Variants in PI4K2B observed in about 807,000 individuals in gnomAD.
The protein encoded by PI4K2B is phosphatidylinositol 4-kinase type 2-beta.
In PI4K2B, 46 loss-of-function variants were observed where a neutral mutation model predicts 56.6. The observed-to-expected ratio is 0.81, with a 90% confidence interval of 0.64 to 1.04. The LOEUF is 1.04. Among genes scored for constraint, PI4K2B ranks in the 50% least tolerant of loss-of-function variants. The pLI, the probability that PI4K2B is intolerant of heterozygous loss-of-function variation, is 0.00. For missense variants in PI4K2B, 556 were observed against 607.7 expected, an observed-to-expected ratio of 0.91 and a Z score of 0.89; for synonymous variants, 211 against 223.8, an observed-to-expected ratio of 0.94 and a Z score of 0.51.
intron 1 of PI4K2B, among the ~76,000 whole-genome samples, chr4:25,237,204 G>A (rs1016222450): frequency 6.6e-6 from 1 of 152,198 alleles, no homozygotes; most frequent in Non-Finnish European, 1.5e-5. Context: ...TGCATTCCTT[G>A]TTCTAGTTAT....
intron 7 of PI4K2B, among the ~76,000 whole-genome samples, chr4:25,265,886 G>A (rs1245552985): frequency 1.3e-5 from 2 of 152,132 alleles, no homozygotes; most frequent in African/African-American, 4.8e-5. Flanking sequence ...CTTATTTTCT[G>A]ACTATTTAAT....
rs1049526765 is a variant in PI4K2B at position 25,259,076 on chromosome 4, G to A, written c.796G>A (p.Ala266Thr). 1 of 1,589,300 alleles carries A rather than the reference G, an allele frequency of 6.3e-7. No homozygotes were observed. Among genetic ancestry groups the A allele is most frequent in the African/African-American group, 1.3e-5 (1 of 74,342 alleles). ...GTTATTTGTTGAAGGTTACAAGGAG[G>A]CTGAATATTGGCTTAGGAAATTTGA... is the stretch of plus-strand genomic sequence containing the variant. ...FQLFVEGYKE[A>T]EYWLRKFEAD... The change falls in exon 5 of 10, where the codon GCT becomes ACT. Residue 266 changes from alanine (A) to threonine (T), a missense_variant. Coordinates refer to ENST00000264864, the MANE Select transcript of PI4K2B (RefSeq NM_018323.4).
At chr4:25,238,805 G>A (rs1715381014) in intron 1 of PI4K2B, among the ~76,000 whole-genome samples, 1 of 152,162 alleles carries the variant, frequency 6.6e-6, no homozygotes, top group African/African-American at 2.4e-5. Flanking sequence ...AAGAGCGAAA[G>A]AACAAAGCTT....
At chr4:25,250,034 A>G (rs1349568752) in intron 1 of PI4K2B, among the ~76,000 whole-genome samples, 3 of 152,180 alleles carry the variant, frequency 2.0e-5, no homozygotes, top group Non-Finnish European at 4.4e-5. Flanking sequence ...CCCGGCCAAC[A>G]CGGCGAAACC....
At chr4:25,259,717 A>T (rs1457545959) in intron 5 of PI4K2B, among the ~76,000 whole-genome samples, 4 of 143,688 alleles carry the variant, frequency 2.8e-5, no homozygotes, top group African/African-American at 1.1e-4. Context: ...AAAAAAGTAT[A>T]AAAAAAAAAT....
intron 7 of PI4K2B, among the ~76,000 whole-genome samples, chr4:25,264,174 T>G (rs1328678131): frequency 6.6e-6 from 1 of 152,238 alleles, no homozygotes; most frequent in Non-Finnish European, 1.5e-5. Flanking sequence ...TTTTTCGTTG[T>G]ATTCACTTCT....
intron 9 of PI4K2B, chr4:25,276,659 T>C (rs942745635): frequency 2.2e-4 from 220 of 984,578 alleles, no homozygotes; most frequent in Non-Finnish European, 2.6e-4. Flanking sequence ...TAAACCAGTA[T>C]TTGTTGAGTT....
Position 25,236,916 on chromosome 4 carries a change from A to T in PI4K2B, c.268+2485A>T, listed in dbSNP as rs991058727. Among the ~76,000 whole-genome samples the T allele has an allele frequency of 6.2e-4, 94 of 152,244 alleles. 1 individual carries two copies. Among genetic ancestry groups the T allele is most frequent in the Non-Finnish European group, 1.5e-5 (1 of 68,042 alleles). ...ATGATTGAGTAATTTAATACTTTTTAAGTTTAGTTATTTTTTAAATGACTC... is the reference window on the plus strand; with the variant it reads ...ATGATTGAGTAATTTAATACTTTTTTAGTTTAGTTATTTTTTAAATGACTC... On this transcript the variant is annotated intron_variant, in intron 1 of 9. Coordinates refer to ENST00000264864, the MANE Select transcript of PI4K2B (RefSeq NM_018323.4).
intron 7 of PI4K2B, among the ~76,000 whole-genome samples, chr4:25,265,510 G>A (rs1326537080): frequency 6.6e-6 from 1 of 152,010 alleles, no homozygotes; most frequent in Non-Finnish European, 1.5e-5. Context: ...ACTTTCCTCT[G>A]GGTATCATTT....
chr4:25,234,440 C>A lies in PI4K2B; in HGVS notation c.268+9C>A. 7.8e-7 allele frequency: 1 copy of A among 1,288,526 alleles called. No individual in the cohort carries two copies. Among genetic ancestry groups the A allele is most frequent in the Non-Finnish European group, 9.8e-7 (1 of 1,017,392 alleles). The allele number at this position is 1,288,526 out of a possible 1,614,324, so 79.8% of individuals were successfully genotyped here. The stretch of plus-strand genomic sequence containing the variant: ...CCGCCCCGCGGTTTCAGGTGCGACC[C>A]GGCCCTGCCCCACTCCCCGCGCCCC... On this transcript the variant is annotated intron_variant, in intron 1 of 9. Transcript: ENST00000264864.
chr4:25,259,266 G>A (rs760901248), intron 5 of PI4K2B, 76 bp downstream of exon 5: 59 of 1,054,086 alleles, frequency 5.6e-5, no homozygotes, highest in African/African-American at 9.6e-5. Flanking sequence ...AAATCAAAGC[G>A]GTAAACTTTT....
At chr4:25,259,561 T>C (rs1051368252) in intron 5 of PI4K2B, among the ~76,000 whole-genome samples, 33 of 152,334 alleles carry the variant, frequency 2.2e-4, no homozygotes, top group African/African-American at 7.7e-4. Context: ...TACACTAAAC[T>C]CTTAATTTTT....
intron 6 of PI4K2B, among the ~76,000 whole-genome samples, chr4:25,263,399 T>C (rs1716548797): frequency 6.6e-6 from 1 of 152,162 alleles, no homozygotes; most frequent in Non-Finnish European, 1.5e-5. Flanking sequence ...TTAAAAAAAT[T>C]AGTAATATTT....
Position 25,234,251 on chromosome 4 carries a change from C to T in PI4K2B, c.88C>T (p.Leu30=). 1.4e-6 allele frequency: 2 copies of T among 1,427,982 alleles called. No individual in the cohort carries two copies. Among genetic ancestry groups the T allele is most frequent in the East Asian group, 3.0e-5 (1 of 32,944 alleles). 88.5% of individuals were successfully genotyped at this position (1,427,982 alleles called of 1,614,324 possible). The part of the protein sequence containing the change: ...EEEDGEREPL[L]PRIAWAHPRR... The stretch of plus-strand genomic sequence containing the variant: ...GGAGGATGGGGAGCGGGAGCCGCTG[C>T]TACCGCGGATCGCCTGGGCCCACCC... The change falls in exon 1 of 10, where the codon CTA becomes TTA. Residue 30 remains leucine, a synonymous_variant. Coordinates refer to ENST00000264864, the MANE Select transcript of PI4K2B (RefSeq NM_018323.4).
chr4:25,264,110 A>T (rs575573542), intron 7 of PI4K2B, among the ~76,000 whole-genome samples: 4 of 152,308 alleles, frequency 2.6e-5, no homozygotes, highest in East Asian at 1.9e-4. Context: ...TCCAGTTTTT[A>T]AAAAATATAT....
chr4:25,235,584 T>C (rs1197047144), intron 1 of PI4K2B, among the ~76,000 whole-genome samples: 1 of 152,226 alleles, frequency 6.6e-6, no homozygotes, highest in Non-Finnish European at 1.5e-5. Flanking sequence ...CCCGTTATAA[T>C]GTTACCTGAT....
intron 2 of PI4K2B, among the ~76,000 whole-genome samples, chr4:25,254,771 A>G (rs1451240495): frequency 6.6e-6 from 1 of 152,138 alleles, no homozygotes; most frequent in Admixed American, 6.6e-5. Context: ...AATTAGAGTT[A>G]ATCTGGTTAA....
At chr4:25,252,581 T>C (rs563713996) in intron 2 of PI4K2B, 106 bp downstream of exon 2, 373 of 844,050 alleles carry the variant, frequency 4.4e-4, no homozygotes, top group Admixed American at 2.8e-3. Flanking sequence ...TTAAGTCTGA[T>C]TGTAACCTCT....
At chr4:25,260,868 GATTTTTT>G (rs1490278810) in intron 6 of PI4K2B, among the ~76,000 whole-genome samples, 1 of 87,272 alleles carries the variant, frequency 1.1e-5, no homozygotes, top group Non-Finnish European at 2.4e-5. Context: ...CTTGATTCTT[GATTTTTT>G]TTTTTTTTTT....
Sources: gnomAD v4.1 joint callset for allele counts (sites outside exome capture counted in the v4.1 genomes callset) on GRCh38, gnomAD v4.1.1 for gene constraint, MANE v1.5 for transcripts, NCBI Gene and HGNC (gene_info 2026-07-23, HGNC 2026-07-21) for gene names.